The following EPB41L4B variants were observed in gnomAD, a reference collection of about 807,000 sequenced individuals.
EPB41L4B encodes erythrocyte membrane protein band 4.1 like 4B.
EPB41L4B carries 30 observed loss-of-function variants against 112.5 expected under a neutral mutation model. The observed-to-expected ratio is 0.27, with a 90% CI of 0.20 to 0.36. The LOEUF (loss-of-function observed/expected upper bound fraction) is 0.36. EPB41L4B is among the 10% of genes least tolerant of loss of function. The pLI is 1.00. For missense variants in EPB41L4B, 1,024 were observed against 1,133.3 expected (o/e 0.90, Z 1.38); for synonymous variants, 408 against 439.7 (o/e 0.93, Z 0.90).
chr9:109,290,831 G>T (rs923116253), intron 1 of EPB41L4B, among the ~76,000 whole-genome samples: 1 of 151,038 alleles, frequency 6.6e-6, no homozygotes, highest in African/African-American at 2.4e-5. Context: ...CTGCTAAGCC[G>T]TCACAAACAA....
intron 15 of EPB41L4B, among the ~76,000 whole-genome samples, chr9:109,226,927 T>A: frequency 6.6e-6 from 1 of 151,488 alleles, no homozygotes; most frequent in Non-Finnish European, 1.5e-5. Flanking sequence ...CAGCCTTGAA[T>A]TCCTGGGCTC....
chr9:109,292,086 C>A (rs1836556690), intron 1 of EPB41L4B, among the ~76,000 whole-genome samples: 1 of 152,196 alleles, frequency 6.6e-6, no homozygotes, highest in South Asian at 2.1e-4. Flanking sequence ...TTCCTATGAA[C>A]CCTCTTTCAA....
intron 15 of EPB41L4B, among the ~76,000 whole-genome samples, chr9:109,220,378 A>C (rs1236576964): frequency 6.6e-6 from 1 of 152,206 alleles, no homozygotes; most frequent in Non-Finnish European, 1.5e-5. Context: ...TATCAAGGAA[A>C]GGGCTTAAGC....
chr9:109,180,266 C>T (rs1447737068), intron 24 of EPB41L4B, among the ~76,000 whole-genome samples: 3 of 152,238 alleles, frequency 2.0e-5, no homozygotes, highest in African/African-American at 7.2e-5. Flanking sequence ...AGCATGGTTT[C>T]TGCCATTGGC....
rs1373717943 is a variant in EPB41L4B at position 109,255,625 on chromosome 9, T to C, written c.1055A>G (p.Lys352Arg). The C allele has an allele frequency of 3.1e-6, 5 of 1,614,064 alleles. No individual in the cohort carries two copies. The highest frequency in any genetic ancestry group is 1.3e-5 in the African/African-American group (1 of 74,920). ...CTCAACTGCACACTTCCAAAGGTGT[T>C]TGCAGGTCCTGGCACTGTCTAACCG... is the stretch of plus-strand genomic sequence containing the variant. ...VFRLDSARTC[K>R]HLWKCAVEHH... The change falls in exon 11 of 26, where the codon AAA becomes AGA. Residue 352 changes from lysine to arginine, a missense_variant. Physicochemically the swap from Lys to Arg is conservative, Grantham distance 26. Coordinates refer to ENST00000374566, the MANE Select transcript of EPB41L4B (RefSeq NM_019114.5).
At chr9:109,319,968 C>A (rs899206976) in intron 1 of EPB41L4B, among the ~76,000 whole-genome samples, 173 bp downstream of exon 1, 1 of 152,044 alleles carries the variant, frequency 6.6e-6, no homozygotes, top group Admixed American at 6.5e-5. Flanking sequence ...CGGAAGAGAC[C>A]GGGACGGGGT....
At chr9:109,246,301 C>T (rs1176796136) in intron 14 of EPB41L4B, among the ~76,000 whole-genome samples, 1 of 152,104 alleles carries the variant, frequency 6.6e-6, no homozygotes, top group Non-Finnish European at 1.5e-5. Context: ...ACTTGGGAGG[C>T]TGAGGCAAGA....
rs367732645 is a variant in EPB41L4B at position 109,279,782 on chromosome 9, A to G, written c.411+35T>C. On this transcript the variant is annotated intron_variant, in intron 2 of 25. Coordinates refer to ENST00000374566, the MANE Select transcript of EPB41L4B (RefSeq NM_019114.5). ...GACGTGCAATTAGCAATGAAAAGCCAATCTGTTCTGAAATGAATCAAAGCA... is the reference window on the plus strand; with the variant it reads ...GACGTGCAATTAGCAATGAAAAGCCGATCTGTTCTGAAATGAATCAAAGCA... 1,150 of 1,564,656 alleles carry G rather than the reference A, an allele frequency of 7.3e-4. 9 individuals carry two copies. The highest frequency in any genetic ancestry group is 6.3e-3 in the South Asian group (554 of 87,600).
At chr9:109,195,863 C>T (rs1832623607) in intron 20 of EPB41L4B, among the ~76,000 whole-genome samples, 1 of 152,104 alleles carries the variant, frequency 6.6e-6, no homozygotes, top group Non-Finnish European at 1.5e-5. Context: ...TATCTTTTGT[C>T]TTAGTTTAGA....
intron 21 of EPB41L4B, among the ~76,000 whole-genome samples, chr9:109,192,714 C>T (rs1223671662): frequency 6.6e-6 from 1 of 152,076 alleles, no homozygotes; most frequent in African/African-American, 2.4e-5. Flanking sequence ...GGATCAAATC[C>T]AGGGTCCTCC....
chr9:109,261,379 T>C (rs10979780), intron 6 of EPB41L4B, among the ~76,000 whole-genome samples: 78,359 of 151,860 alleles, frequency 0.52, 20,467 homozygotes, highest in East Asian at 0.68. Context: ...GCATCTACTA[T>C]ATGCCAAGTC....
Position 109,192,421 on chromosome 9 carries a change from A to G in EPB41L4B, c.2224-66T>C, listed in dbSNP as rs111711685. 415 of 1,305,986 alleles carry G rather than the reference A, an allele frequency of 3.2e-4. 2 individuals carry two copies. The African/African-American group carries it at 5.6e-3, about 18-fold the overall frequency. The allele number at this position is 1,305,986 out of a possible 1,614,324, so 80.9% of individuals were successfully genotyped here. On this transcript the variant is annotated intron_variant, in intron 21 of 25. Transcript: ENST00000374566. ...GCATTGATGATAAAGTTCACCAGAA[A>G]AGACAGGCAGAGGTTCCCAGCCTCT... is the stretch of plus-strand genomic sequence containing the variant.
chr9:109,179,162 G>A lies in EPB41L4B; in HGVS notation c.2488-2466C>T, dbSNP rs867536073. ...CCACCCTAGATGGACCAACATACTC[G>A]GCTGAGTATGAGCAGAGACCCAGTT... is the stretch of plus-strand genomic sequence containing the variant. On this transcript the variant is annotated intron_variant, in intron 24 of 25. Transcript: ENST00000374566. 2.6e-5 allele frequency among the ~76,000 whole-genome samples: 4 copies of A among 152,150 alleles called. No individual in the cohort carries two copies. In the South Asian group the frequency reaches 6.2e-4, roughly 24 times the overall value.
intron 24 of EPB41L4B, among the ~76,000 whole-genome samples, chr9:109,178,257 T>A (rs2118587961): frequency 6.6e-6 from 1 of 152,310 alleles, no homozygotes; most frequent in African/African-American, 2.4e-5. Context: ...TTGTTTTATA[T>A]TTTTGATAAT....
intron 24 of EPB41L4B, among the ~76,000 whole-genome samples, chr9:109,179,334 G>A (rs528660088): frequency 1.6e-4 from 25 of 152,268 alleles, no homozygotes; most frequent in African/African-American, 5.5e-4. Flanking sequence ...TGTCACTGTC[G>A]CCAGGATAGG....
At chr9:109,226,738 AGAATATATATATGAAGAATATATATATAT>A (rs1455530026) in intron 15 of EPB41L4B, among the ~76,000 whole-genome samples, 61 of 106,034 alleles carry the variant, frequency 5.8e-4, no homozygotes, top group African/African-American at 1.6e-3. Context: ...ATATATATGA[AGAATATATATATGAAGAATATATATATAT>A]GAATATATAT....
chr9:109,312,311 C>A (rs182532953), intron 1 of EPB41L4B, among the ~76,000 whole-genome samples: 26 of 152,272 alleles, frequency 1.7e-4, no homozygotes, highest in African/African-American at 6.3e-4. Context: ...CTACTAAGCA[C>A]TTTTTAAAAA....
chr9:109,228,264 G>A (rs908479625), intron 15 of EPB41L4B, among the ~76,000 whole-genome samples: 2 of 152,160 alleles, frequency 1.3e-5, no homozygotes, highest in Non-Finnish European at 2.9e-5. Context: ...GCAAATCTGT[G>A]CTGTTCCTAA....
intron 24 of EPB41L4B, among the ~76,000 whole-genome samples, chr9:109,179,622 C>T (rs1268001183): frequency 6.6e-6 from 1 of 152,150 alleles, no homozygotes; most frequent in Non-Finnish European, 1.5e-5. Flanking sequence ...CAAAGGCAAA[C>T]TCATCTCTCC....
Sources: gnomAD v4.1 joint callset for allele counts (sites outside exome capture counted in the v4.1 genomes callset) on GRCh38, gnomAD v4.1.1 for gene constraint, MANE v1.5 for transcripts, NCBI Gene and HGNC (gene_info 2026-07-23, HGNC 2026-07-21) for gene names.